The following ARPP21 variants were observed in gnomAD, a reference collection of about 807,000 sequenced individuals.
ARPP21 encodes cAMP regulated phosphoprotein 21, also known as cAMP-regulated phosphoprotein 21.
In ARPP21, 69 loss-of-function variants were observed where a neutral mutation model predicts 113.2. The observed-to-expected ratio is 0.61, with a 90% confidence interval of 0.50 to 0.74. The LOEUF (loss-of-function observed/expected upper bound fraction) is 0.74. Among genes scored for constraint, ARPP21 ranks in the 30% least tolerant of loss-of-function variants. The pLI is 0.00. For synonymous variants in ARPP21, 368 were observed against 375.5 expected (o/e 0.98, Z 0.23); for missense variants, 1,070 against 1,037.4 (o/e 1.03, Z -0.43).
intron 1 of ARPP21, among the ~76,000 whole-genome samples, chr3:35,666,010 A>G (rs971571055): frequency 1.3e-5 from 2 of 152,092 alleles, no homozygotes; most frequent in African/African-American, 4.8e-5. Flanking sequence ...TATCCTCAGA[A>G]CCTCAACTCC....
At chr3:35,651,566 T>A (rs1702397357) in intron 1 of ARPP21, 1 of 152,058 alleles carries the variant, frequency 6.6e-6, no homozygotes, top group Admixed American at 6.6e-5. Context: ...GAATAGTTGG[T>A]TAAGAAAAGA....
chr3:35,677,289 G>GAC, intron 1 of ARPP21, among the ~76,000 whole-genome samples: 1 of 150,508 alleles, frequency 6.6e-6, no homozygotes, highest in East Asian at 2.0e-4. Flanking sequence ...CACACACACA[G>GAC]ACACACACAC....
At chr3:35,645,979 TA>T (rs1700071921) in intron 1 of ARPP21, among the ~76,000 whole-genome samples, 1 of 152,046 alleles carries the variant, frequency 6.6e-6, no homozygotes, top group African/African-American at 2.4e-5. Flanking sequence ...CATCAATTTC[TA>T]AAAGTTTTAT....
chr3:35,689,557 T>C (rs967024151), intron 7 of ARPP21, among the ~76,000 whole-genome samples, 172 bp downstream of exon 7: 1 of 151,670 alleles, frequency 6.6e-6, no homozygotes, highest in African/African-American at 2.4e-5. Flanking sequence ...GTTTACTTTT[T>C]ATAGAGAGTC....
At chr3:35,730,764 T>G (rs1453546132) in intron 15 of ARPP21, among the ~76,000 whole-genome samples, 1 of 152,204 alleles carries the variant, frequency 6.6e-6, no homozygotes, top group African/African-American at 2.4e-5. Context: ...CAGAGAAATA[T>G]GAGAACTGTA....
chr3:35,711,186 A>C (rs1360330498), intron 11 of ARPP21, among the ~76,000 whole-genome samples: 1 of 152,146 alleles, frequency 6.6e-6, no homozygotes, highest in African/African-American at 2.4e-5. Flanking sequence ...GCCTGTTTCT[A>C]GCATGCTTTT....
chr3:35,760,946 C>T (rs972879546), intron 19 of ARPP21, among the ~76,000 whole-genome samples: 3 of 152,018 alleles, frequency 2.0e-5, no homozygotes, highest in African/African-American at 7.2e-5. Flanking sequence ...GGGAAGAGTG[C>T]ATTTCTCTAG....
chr3:35,668,340 G>A (rs2075436655), intron 1 of ARPP21, among the ~76,000 whole-genome samples: 1 of 152,162 alleles, frequency 6.6e-6, no homozygotes. Context: ...GCATCTTGGT[G>A]AGCCTAGTGG....
At chr3:35,732,358 G>T (rs571829493) in intron 15 of ARPP21, among the ~76,000 whole-genome samples, 1 of 152,064 alleles carries the variant, frequency 6.6e-6, no homozygotes, top group East Asian at 1.9e-4. Context: ...TTTTAATTTT[G>T]TCTGGCCTCA....
At chr3:35,776,324 C>T (rs1207120669) in intron 19 of ARPP21, among the ~76,000 whole-genome samples, 2 of 152,154 alleles carry the variant, frequency 1.3e-5, no homozygotes, top group African/African-American at 2.4e-5. Flanking sequence ...GGAAGATTCT[C>T]TATACCTCTG....
rs1368619808 is a variant in ARPP21, at chr3:35,712,509, G to GGTGT, written c.898-2929_898-2926dup. Among the ~76,000 whole-genome samples, 226 of 108,566 alleles carry GGTGT rather than the reference G, an allele frequency of 2.1e-3. 3 individuals are homozygous for GGTGT. The highest frequency in any genetic ancestry group is 7.5e-3 in the African/African-American group (192 of 25,434). The allele number at this position is 108,566 out of a possible 152,430, so 71.2% of individuals were successfully genotyped here. A position where few individuals can be genotyped will look rare whatever the true frequency, so the allele number is the denominator to read the frequency against. The stretch of plus-strand genomic sequence containing the variant: ...TTTCCAAATATATCTTGGTGTCTAA[G>GGTGT]GTGTCTGTGTGTGTGTGTGTGTGTG... On this transcript the variant is annotated intron_variant, in intron 11 of 20. Transcript: ENST00000684406.
At chr3:35,690,047 A>G (rs2081793942) in intron 7 of ARPP21, 34 bp from the exon 8 acceptor site, 2 of 924,750 alleles carry the variant, frequency 2.2e-6, no homozygotes, top group African/African-American at 1.6e-5. Context: ...TGGAACATAC[A>G]TAAAACCTTT....
intron 19 of ARPP21, among the ~76,000 whole-genome samples, chr3:35,771,387 G>T (rs547487144): frequency 3.3e-5 from 5 of 151,942 alleles, no homozygotes; most frequent in African/African-American, 1.2e-4. Context: ...GGAGTGCAGT[G>T]GCATGATCTC....
At chr3:35,712,514 C>CTGTGTGTGTGTGTGTG (rs10579469) in intron 11 of ARPP21, among the ~76,000 whole-genome samples, 1 of 132,844 alleles carries the variant, frequency 7.5e-6, no homozygotes, top group African/African-American at 2.9e-5. Context: ...TCTAAGGTGT[C>CTGTGTGTGTGTGTGTG]TGTGTGTGTG....
At position 35,784,950 on chromosome 3, in the gene ARPP21, T is replaced by A. The variant is rs544829116; in HGVS notation, c.2138-7432T>A. The A allele has an allele frequency of 2.0e-5, 3 of 152,252 alleles. No homozygotes were observed. In the East Asian group the frequency reaches 5.8e-4, roughly 29 times the overall value. 9.4% of individuals were successfully genotyped at this position (152,252 alleles called of 1,614,324 possible). ...AAGGCTAGGTTACATCCTGTAGCCA[T>A]GCAACAGTGACAGTAATTTGATCAC... is the stretch of plus-strand genomic sequence containing the variant. On this transcript the variant is annotated intron_variant, in intron 19 of 20. Transcript: ENST00000684406.
At chr3:35,715,980 A>C (rs1310995372) in intron 12 of ARPP21, among the ~76,000 whole-genome samples, 4 of 152,108 alleles carry the variant, frequency 2.6e-5, no homozygotes, top group African/African-American at 9.7e-5. Context: ...GACCTTGAAA[A>C]TCTTATCTAA....
chr3:35,660,643 A>G (rs7630097), intron 1 of ARPP21, among the ~76,000 whole-genome samples: 1 of 152,168 alleles, frequency 6.6e-6, no homozygotes, highest in Non-Finnish European at 1.5e-5. Context: ...TAAGATAATG[A>G]CTAACTTCAT....
intron 19 of ARPP21, among the ~76,000 whole-genome samples, chr3:35,764,903 C>T (rs2095906065): frequency 6.6e-6 from 1 of 152,020 alleles, no homozygotes; most frequent in South Asian, 2.1e-4. Context: ...AGCAGTTTAA[C>T]ATTCATTATT....
At chr3:35,742,892 G>A (rs2094760685) in intron 18 of ARPP21, among the ~76,000 whole-genome samples, 1 of 152,156 alleles carries the variant, frequency 6.6e-6, no homozygotes, top group Non-Finnish European at 1.5e-5. Context: ...AATTAACTAA[G>A]ATCAGTAAGA....
Sources: allele counts gnomAD v4.1 joint callset (sites outside exome capture counted in the v4.1 genomes callset), GRCh38; gene constraint gnomAD v4.1.1; transcripts MANE v1.5; gene names NCBI Gene and HGNC (gene_info 2026-07-23, HGNC 2026-07-21).